MACROD2: variants seen among roughly 807,000 people sequenced by gnomAD.
MACROD2 encodes the protein mono-ADP ribosylhydrolase 2.
MACROD2 carries 36 observed loss-of-function variants against 70.4 expected under a neutral mutation model. That is an observed-to-expected ratio of 0.51 (90% CI 0.39 to 0.68). The LOEUF (loss-of-function observed/expected upper bound fraction) is 0.68. Among genes scored for constraint, MACROD2 ranks in the 30% least tolerant of loss-of-function variants. MACROD2 has a pLI of 0.00. For missense variants in MACROD2, 496 were observed against 538.4 expected, an observed-to-expected ratio of 0.92 and a Z score of 0.78; for synonymous variants, 172 against 178.8, an observed-to-expected ratio of 0.96 and a Z score of 0.30.
intron 16 of MACROD2, among the ~76,000 whole-genome samples, chr20:16,044,213 G>A (rs574806962): frequency 9.9e-5 from 15 of 152,078 alleles, no homozygotes; most frequent in East Asian, 3.9e-4. Flanking sequence ...TAGAAGCAAC[G>A]TGTCACACAC....
At chr20:15,139,698 C>T (rs1020415209) in intron 5 of MACROD2, among the ~76,000 whole-genome samples, 1 of 152,154 alleles carries the variant, frequency 6.6e-6, no homozygotes, top group Non-Finnish European at 1.5e-5. Context: ...ATTATTAGTG[C>T]TGTATGTTCA....
intron 5 of MACROD2, among the ~76,000 whole-genome samples, chr20:15,007,589 G>A (rs911147510): frequency 3.3e-5 from 5 of 152,170 alleles, no homozygotes; most frequent in Admixed American, 3.3e-4. Context: ...GGTATTTTAA[G>A]TTAAAGGGAT....
intron 4 of MACROD2, among the ~76,000 whole-genome samples, chr20:14,629,510 A>G (rs923843008): frequency 6.6e-6 from 1 of 152,194 alleles, no homozygotes; most frequent in African/African-American, 2.4e-5. Context: ...CTTATTTGGG[A>G]GGATGTTAAA....
At chr20:15,741,807 CAGA>C (rs2051110408) in intron 8 of MACROD2, among the ~76,000 whole-genome samples, 1 of 152,058 alleles carries the variant, frequency 6.6e-6, no homozygotes, top group African/African-American at 2.4e-5. Flanking sequence ...TGTTAAACTC[CAGA>C]AGATCAGGGG....
intron 3 of MACROD2, among the ~76,000 whole-genome samples, chr20:14,402,490 A>C (rs1486865786): frequency 6.6e-6 from 1 of 152,004 alleles, no homozygotes; most frequent in East Asian, 1.9e-4. Context: ...TTCACATCAT[A>C]GGGGAAATGT....
At chr20:15,723,878 G>A (rs1048544386) in intron 8 of MACROD2, among the ~76,000 whole-genome samples, 2 of 152,154 alleles carry the variant, frequency 1.3e-5, no homozygotes, top group African/African-American at 4.8e-5. Context: ...TGTCTTTCAA[G>A]GTACTGTACC....
intron 13 of MACROD2, among the ~76,000 whole-genome samples, chr20:15,985,440 G>A (rs954035629): frequency 1.8e-4 from 27 of 152,348 alleles, no homozygotes; most frequent in Admixed American, 2.6e-4. Context: ...CAGGCACACT[G>A]TGGGTGATCA....
At chr20:14,609,816 T>C (rs1405252738) in intron 4 of MACROD2, among the ~76,000 whole-genome samples, 1 of 152,078 alleles carries the variant, frequency 6.6e-6, no homozygotes, top group Non-Finnish European at 1.5e-5. Context: ...TCTGGGGTCA[T>C]GGGCTGTGGG....
chr20:14,821,889 G>A (rs927810103), intron 5 of MACROD2, among the ~76,000 whole-genome samples: 1 of 151,994 alleles, frequency 6.6e-6, no homozygotes, highest in Non-Finnish European at 1.5e-5. Context: ...AAAGACTTCC[G>A]TTTAGTAAGG....
intron 3 of MACROD2, among the ~76,000 whole-genome samples, chr20:14,356,503 T>C (rs1276720786): frequency 3.8e-5 from 5 of 133,320 alleles, no homozygotes; most frequent in East Asian, 2.0e-4. Flanking sequence ...ACTTTCTTTT[T>C]TTTTTTTTTT....
intron 8 of MACROD2, among the ~76,000 whole-genome samples, chr20:15,714,291 G>A (rs1262806265): frequency 6.6e-6 from 1 of 152,108 alleles, no homozygotes; most frequent in Non-Finnish European, 1.5e-5. Flanking sequence ...ACTGGAAATG[G>A]GATTCTTTGC....
intron 5 of MACROD2, among the ~76,000 whole-genome samples, chr20:14,769,511 C>T (rs1379678896): frequency 6.6e-5 from 10 of 152,108 alleles, no homozygotes; most frequent in Non-Finnish European, 1.5e-4. Flanking sequence ...ATACACTGCT[C>T]TGTAAATATC....
chr20:14,366,002 C>T (rs933466343), intron 3 of MACROD2, among the ~76,000 whole-genome samples: 24 of 152,052 alleles, frequency 1.6e-4, no homozygotes. Context: ...TTTATCATGA[C>T]TTGTTTAGTG....
intron 5 of MACROD2, among the ~76,000 whole-genome samples, chr20:14,925,414 T>G (rs2074218215): frequency 6.6e-6 from 1 of 152,196 alleles, no homozygotes; most frequent in South Asian, 2.1e-4. Flanking sequence ...AGGGTGCTAT[T>G]TTGTAATGAG....
intron 6 of MACROD2, among the ~76,000 whole-genome samples, chr20:15,367,431 T>C (rs944007213): frequency 6.6e-6 from 1 of 152,240 alleles, no homozygotes; most frequent in Non-Finnish European, 1.5e-5. Context: ...TGATGAATAT[T>C]ATTCATTTTT....
intron 5 of MACROD2, among the ~76,000 whole-genome samples, chr20:15,027,448 G>A (rs2075240718): frequency 6.6e-6 from 1 of 152,050 alleles, no homozygotes; most frequent in Admixed American, 6.5e-5. Context: ...CCAAATGGCT[G>A]TTTGAATTAC....
At chr20:15,724,616 G>T (rs1368751720) in intron 8 of MACROD2, among the ~76,000 whole-genome samples, 2 of 152,006 alleles carry the variant, frequency 1.3e-5, no homozygotes, top group Non-Finnish European at 2.9e-5. Context: ...TCTATTTCTG[G>T]CCTGTCTATT....
At chr20:14,608,135 A>C (rs1449636594) in intron 4 of MACROD2, among the ~76,000 whole-genome samples, 1 of 152,060 alleles carries the variant, frequency 6.6e-6, no homozygotes, top group African/African-American at 2.4e-5. Context: ...AGGCACCTCT[A>C]ATCCTAGCTA....
chr20:15,484,709 A>C (rs920619423), intron 7 of MACROD2, among the ~76,000 whole-genome samples: 2 of 152,134 alleles, frequency 1.3e-5, no homozygotes, highest in Non-Finnish European at 2.9e-5. Context: ...CATTGTGAGA[A>C]CCTGGTCCAG....
Sources: allele counts gnomAD v4.1 joint callset (sites outside exome capture counted in the v4.1 genomes callset), GRCh38; gene constraint gnomAD v4.1.1; transcripts MANE v1.5; gene names NCBI Gene and HGNC (gene_info 2026-07-23, HGNC 2026-07-21).